The following MYOF variants were observed in gnomAD, a reference collection of about 807,000 sequenced individuals.
The protein encoded by MYOF is myoferlin.
MYOF carries 244 observed loss-of-function variants against 284.2 expected under a neutral mutation model. That is an observed-to-expected ratio of 0.86 (90% CI 0.77 to 0.95). The LOEUF is 0.95. MYOF is among the 40% of genes least tolerant of loss of function. The pLI is 0.00. For synonymous variants in MYOF, 904 were observed against 919.7 expected, an observed-to-expected ratio of 0.98 and a Z score of 0.31; for missense variants, 2,496 against 2,560.6, an observed-to-expected ratio of 0.97 and a Z score of 0.54.
At chr10:93,337,750 G>T in intron 40 of MYOF, 65 bp downstream of exon 40, 1 of 1,380,728 alleles carries the variant, frequency 7.2e-7, no homozygotes, top group Non-Finnish European at 1.0e-6. Context: ...CATCCTCTTA[G>T]CTCTGCCTGT....
intron 1 of MYOF, among the ~76,000 whole-genome samples, chr10:93,473,888 C>T (rs571336302): frequency 7.2e-5 from 11 of 152,152 alleles, no homozygotes; most frequent in Non-Finnish European, 1.0e-4. Context: ...TCAAAGATCA[C>T]TTTGTATTTC....
intron 4 of MYOF, among the ~76,000 whole-genome samples, chr10:93,427,660 T>C (rs1276452881): frequency 6.6e-6 from 1 of 151,614 alleles, no homozygotes; most frequent in African/African-American, 2.4e-5. Context: ...TAAAGTTAAA[T>C]ATAATTGCCA....
Position 93,394,547 on chromosome 10 carries a change from G to T in MYOF, c.1418-1592C>A, listed in dbSNP as rs191369426. Among the ~76,000 whole-genome samples the T allele has an allele frequency of 2.1e-4, 27 of 127,144 alleles. No individual in the cohort carries two copies. In the East Asian group the frequency reaches 7.0e-3, roughly 33 times the overall value. The allele number at this position is 127,144 out of a possible 152,430, so 83.4% of individuals were successfully genotyped here. ...GCGATCTCGGCTCACTGCAAGCTCC[G>T]CCTCCCTGGCTCACGCCATTCTCCT... On this transcript the variant is annotated intron_variant, in intron 16 of 53. Coordinates refer to ENST00000359263, the MANE Select transcript of MYOF (RefSeq NM_013451.4).
At chr10:93,384,285 A>AGG (rs1846256758) in intron 19 of MYOF, among the ~76,000 whole-genome samples, 2 of 152,156 alleles carry the variant, frequency 1.3e-5, no homozygotes, top group African/African-American at 4.8e-5. Context: ...GGAACAATAA[A>AGG]CACCATTCAG....
chr10:93,392,854 A>G lies in MYOF; in HGVS notation c.1456+63T>C. On this transcript the variant is annotated intron_variant, in intron 17 of 53. Transcript: ENST00000359263. ...AAAAAGTTCTAAAGACAGTCGATACATTCTTAATAAGATAATATTAGCTAG... is the reference window on the plus strand; with the variant it reads ...AAAAAGTTCTAAAGACAGTCGATACGTTCTTAATAAGATAATATTAGCTAG... 4.8e-6 allele frequency: 7 copies of G among 1,448,230 alleles called. No individual in the cohort carries two copies. In the South Asian group the frequency reaches 7.1e-5, roughly 15 times the overall value. 89.7% of individuals were successfully genotyped at this position (1,448,230 alleles called of 1,614,324 possible).
chr10:93,307,438 C>G (rs1226472256), intron 53 of MYOF, among the ~76,000 whole-genome samples: 2 of 151,564 alleles, frequency 1.3e-5, no homozygotes, highest in African/African-American at 4.9e-5. Flanking sequence ...GCAGCTGGGA[C>G]TACAGGCGCC....
intron 4 of MYOF, among the ~76,000 whole-genome samples, chr10:93,426,651 G>A (rs1454312533): frequency 2.0e-5 from 3 of 152,164 alleles, no homozygotes; most frequent in Non-Finnish European, 4.4e-5. Flanking sequence ...CACTTTGGGA[G>A]GCCGAAGCGG....
intron 11 of MYOF, 25 bp from the exon 12 acceptor site, chr10:93,401,569 T>C: frequency 6.2e-7 from 1 of 1,610,640 alleles, no homozygotes. Context: ...TGATTTAAAT[T>C]ATACATACAG....
At position 93,392,901 on chromosome 10, in the gene MYOF, A is replaced by G. The variant is rs368115367; in HGVS notation, c.1456+16T>C. The stretch of plus-strand genomic sequence containing the variant: ...CTAGGAAGATATAACAGAGAGCAAA[A>G]TTACGAAGCATAAACCTGTATATGA... On this transcript the variant is annotated intron_variant, in intron 17 of 53. Coordinates refer to ENST00000359263, the MANE Select transcript of MYOF (RefSeq NM_013451.4). 2.7e-5 allele frequency: 43 copies of G among 1,606,946 alleles called. No homozygotes were observed. The African/African-American group carries it at 5.6e-4, about 21-fold the overall frequency.
In MYOF at chr10:93,381,132, T is replaced by C. The variant is rs950312585; in HGVS notation, c.1876+87A>G. ...ACTAACCATAGGCTGCGTAGAACAGTGCCAGAGGGAAGACACAGTGCTTGC... is the reference window on the plus strand; with the variant it reads ...ACTAACCATAGGCTGCGTAGAACAGCGCCAGAGGGAAGACACAGTGCTTGC... On this transcript the variant is annotated intron_variant, in intron 20 of 53. Transcript: ENST00000359263. The C allele has an allele frequency of 1.6e-5, 22 of 1,388,468 alleles. No individual in the cohort carries two copies. The African/African-American group carries it at 3.0e-4, about 19-fold the overall frequency. 86.0% of individuals were successfully genotyped at this position (1,388,468 alleles called of 1,614,324 possible). A position where few individuals can be genotyped will look rare whatever the true frequency, so the allele number is the denominator to read the frequency against.
At chr10:93,351,638 T>C in intron 33 of MYOF, 27 bp downstream of exon 33, 1 of 1,594,208 alleles carries the variant, frequency 6.3e-7, no homozygotes, top group Non-Finnish European at 8.5e-7. Context: ...CATCCCCAAG[T>C]TATCTTAGAA....
intron 5 of MYOF, among the ~76,000 whole-genome samples, chr10:93,416,061 A>C (rs965457917): frequency 6.6e-6 from 1 of 152,204 alleles, no homozygotes; most frequent in Non-Finnish European, 1.5e-5. Context: ...AAAGACTTTC[A>C]TGTTGCAAAA....
chr10:93,453,270 A>T (rs2056646159), intron 2 of MYOF, among the ~76,000 whole-genome samples: 1 of 152,084 alleles, frequency 6.6e-6, no homozygotes, highest in African/African-American at 2.4e-5. Context: ...GGTTCAAGCA[A>T]TTCTCCTGTC....
At chr10:93,426,687 G>A (rs1310291848) in intron 4 of MYOF, among the ~76,000 whole-genome samples, 15 of 152,032 alleles carry the variant, frequency 9.9e-5, no homozygotes, top group Admixed American at 7.9e-4. Flanking sequence ...TCAGGAGTTC[G>A]ACACCAACCT....
intron 3 of MYOF, among the ~76,000 whole-genome samples, chr10:93,444,013 C>G (rs2056355958): frequency 6.6e-6 from 1 of 152,188 alleles, no homozygotes; most frequent in African/African-American, 2.4e-5. Flanking sequence ...CCACATCTCT[C>G]TACAAAATGG....
chr10:93,414,529 C>A (rs997075053), intron 5 of MYOF, among the ~76,000 whole-genome samples: 2 of 152,050 alleles, frequency 1.3e-5, no homozygotes, highest in Admixed American at 6.5e-5. Flanking sequence ...TCAGAGAGAG[C>A]CTCTGTCTCA....
At chr10:93,379,446 G>A (rs1290911349) in intron 21 of MYOF, among the ~76,000 whole-genome samples, 1 of 152,128 alleles carries the variant, frequency 6.6e-6, no homozygotes, top group Non-Finnish European at 1.5e-5. Context: ...CACCTTCGTT[G>A]GAGTCACATG....
rs767353059 is a variant in MYOF, at chr10:93,374,880, C to A, written c.2184G>T (p.Arg728Ser). 20 of 1,614,050 alleles carry A rather than the reference C, an allele frequency of 1.2e-5. No individual in the cohort carries two copies. In the East Asian group the frequency reaches 3.6e-4, roughly 29 times the overall value. Residue 728 changes from arginine to serine, a missense_variant, in exon 23 of 54, where the codon AGG (arginine) becomes AGT (serine). Arg to Ser is a moderately radical substitution (Grantham distance 110, BLOSUM62 -1). This residue lies in a region of MYOF where 2,436 missense variants were observed against 2,480.7 expected (regional missense o/e 0.98). Transcript: ENST00000359263. ...LDTQIRKLRS[R>S]SLSQIHEAAV... is the part of the protein sequence containing the mutation. ...CCGCCTCATGTATTTGGGAGAGAGA[C>A]CTGGACCGCAGCTTTCGGATCTGAG...
At chr10:93,387,723 C>T (rs1846453852) in intron 19 of MYOF, 74 bp downstream of exon 19, 1 of 1,284,312 alleles carries the variant, frequency 7.8e-7, no homozygotes, top group Non-Finnish European at 1.1e-6. Context: ...TGCCTTCCGA[C>T]TCCCCCAGCT....
Sources: gnomAD v4.1 joint callset for allele counts (sites outside exome capture counted in the v4.1 genomes callset) on GRCh38, gnomAD v4.1.1 for gene constraint, gnomAD v4.1.1 regional missense constraint, MANE v1.5 for transcripts, NCBI Gene and HGNC (gene_info 2026-07-23, HGNC 2026-07-21) for gene names.